The following CDH13 variants were observed in gnomAD, a reference collection of about 807,000 sequenced individuals.
The protein encoded by CDH13 is cadherin 13.
A neutral mutation model predicts 63.8 loss-of-function variants in CDH13; 24 were observed. The ratio of observed to expected loss-of-function variants is 0.38; its 90% CI spans 0.27 to 0.53. CDH13 has a LOEUF of 0.53. Ranked by LOEUF, CDH13 falls within the 20% of genes least tolerant of loss-of-function variation. The pLI, the probability that CDH13 is intolerant of heterozygous loss-of-function variation, is 0.85. For missense variants in CDH13, 1,049 were observed against 903.1 expected (o/e 1.16, Z -2.07); for synonymous variants, 503 against 355.3 (o/e 1.42, Z -4.67).
intron 7 of CDH13, among the ~76,000 whole-genome samples, chr16:83,576,308 A>G (rs1325953240): frequency 6.6e-6 from 1 of 152,180 alleles, no homozygotes; most frequent in Non-Finnish European, 1.5e-5. Flanking sequence ...AATGTTTTCA[A>G]GGTTCTTCCA....
At chr16:83,460,900 A>T (rs1347684480) in intron 6 of CDH13, among the ~76,000 whole-genome samples, 1 of 149,624 alleles carries the variant, frequency 6.7e-6, no homozygotes, top group Non-Finnish European at 1.5e-5. Flanking sequence ...GCTGCTTGGG[A>T]TGCTTAAGCC....
chr16:83,722,825 A>G (rs1422749570), intron 10 of CDH13, among the ~76,000 whole-genome samples: 2 of 152,224 alleles, frequency 1.3e-5, no homozygotes, highest in African/African-American at 4.8e-5. Flanking sequence ...TGAAAAGTGT[A>G]TTGCTAAGAC....
chr16:83,199,861 G>T (rs2038974193), intron 4 of CDH13, among the ~76,000 whole-genome samples: 1 of 152,096 alleles, frequency 6.6e-6, no homozygotes, highest in Non-Finnish European at 1.5e-5. Context: ...TTTGCCCAAG[G>T]TTAAAACCAA....
At chr16:83,363,978 A>C (rs558687880) in intron 6 of CDH13, among the ~76,000 whole-genome samples, 199 of 152,318 alleles carry the variant, frequency 1.3e-3, no homozygotes, top group African/African-American at 4.4e-3. Flanking sequence ...AGGAGCCATG[A>C]CATTAATACT....
At chr16:83,410,012 A>G (rs891218065) in intron 6 of CDH13, among the ~76,000 whole-genome samples, 1 of 152,224 alleles carries the variant, frequency 6.6e-6, no homozygotes, top group African/African-American at 2.4e-5. Flanking sequence ...AACAACTTTT[A>G]TCAAAATGTA....
intron 13 of CDH13, among the ~76,000 whole-genome samples, chr16:83,793,780 C>A (rs1352986375): frequency 2.0e-5 from 3 of 150,314 alleles, no homozygotes; most frequent in African/African-American, 7.4e-5. Context: ...CCAATGCACT[C>A]CAGCCTGAGC....
intron 11 of CDH13, among the ~76,000 whole-genome samples, chr16:83,766,501 C>A (rs537126463): frequency 3.3e-5 from 5 of 152,348 alleles, no homozygotes; most frequent in African/African-American, 1.2e-4. Context: ...TCATTGTTCA[C>A]ACAGACAACC....
chr16:82,644,887 T>A lies in CDH13; in HGVS notation c.45+17750T>A, dbSNP rs1333560048. ...AAGAGATACTGGTTCCATGGGAGGT[T>A]AATATGGGTTCTGGGGAAAAAAAAT... On this transcript the variant is annotated intron_variant, in intron 1 of 13. Coordinates refer to ENST00000567109, the MANE Select transcript of CDH13 (RefSeq NM_001257.5). This position sits in a 1 kb window ranked among gnomAD's most constrained non-coding sequence, Gnocchi z 5.7. Among the ~76,000 whole-genome samples the A allele has an allele frequency of 6.6e-6, 1 of 152,202 alleles. No homozygotes were observed. Among genetic ancestry groups the A allele is most frequent in the Non-Finnish European group, 1.5e-5 (1 of 68,026 alleles).
At chr16:83,319,783 A>T (rs1403948606) in intron 5 of CDH13, among the ~76,000 whole-genome samples, 2 of 152,222 alleles carry the variant, frequency 1.3e-5, no homozygotes, top group Non-Finnish European at 2.9e-5. Flanking sequence ...ATGAGAACAC[A>T]GGGAAAGCTT....
chr16:82,647,180 A>T (rs1323094693), intron 1 of CDH13, among the ~76,000 whole-genome samples: 1 of 152,156 alleles, frequency 6.6e-6, no homozygotes, highest in Non-Finnish European at 1.5e-5. Flanking sequence ...CGGCAGTGAA[A>T]CCTAGCTGAT....
intron 10 of CDH13, among the ~76,000 whole-genome samples, chr16:83,696,148 C>T (rs1486660372): frequency 6.6e-6 from 1 of 152,154 alleles, no homozygotes. Context: ...GCTTCTGCCT[C>T]CCACAGTGCT....
At chr16:82,865,751 C>T (rs2040111265) in intron 2 of CDH13, among the ~76,000 whole-genome samples, 1 of 152,196 alleles carries the variant, frequency 6.6e-6, no homozygotes, top group South Asian at 2.1e-4. Flanking sequence ...TAACATTTGG[C>T]TCCTTTTTAT....
At chr16:83,237,387 C>G (rs1022414179) in intron 5 of CDH13, among the ~76,000 whole-genome samples, 2 of 152,194 alleles carry the variant, frequency 1.3e-5, no homozygotes, top group African/African-American at 4.8e-5. Context: ...AGGATCGTAC[C>G]TTACATCGTA....
intron 7 of CDH13, among the ~76,000 whole-genome samples, chr16:83,585,913 A>AC (rs1906111863): frequency 2.6e-5 from 4 of 152,066 alleles, no homozygotes; most frequent in Admixed American, 1.3e-4. Flanking sequence ...TAAGGTACAG[A>AC]CCCAAGAGGT....
intron 10 of CDH13, among the ~76,000 whole-genome samples, chr16:83,717,444 C>T (rs1420711264): frequency 1.3e-5 from 2 of 152,220 alleles, no homozygotes; most frequent in Non-Finnish European, 2.9e-5. Flanking sequence ...GTCCCTGTCT[C>T]CACTTTCTTC....
intron 5 of CDH13, among the ~76,000 whole-genome samples, chr16:83,223,775 G>A (rs565031980): frequency 6.6e-6 from 1 of 152,238 alleles, no homozygotes; most frequent in Non-Finnish European, 1.5e-5. Flanking sequence ...GTACAGGAAA[G>A]TCCGCTTGCC....
At chr16:82,763,700 T>C (rs1018824643) in intron 1 of CDH13, among the ~76,000 whole-genome samples, 2 of 152,250 alleles carry the variant, frequency 1.3e-5, no homozygotes, top group Non-Finnish European at 2.9e-5. Flanking sequence ...ACGTATTTTT[T>C]GAAACAGAGT....
intron 6 of CDH13, among the ~76,000 whole-genome samples, chr16:83,435,055 A>C (rs939491893): frequency 2.1e-5 from 3 of 146,094 alleles, no homozygotes; most frequent in Non-Finnish European, 4.5e-5. Flanking sequence ...ATTCAGAGAG[A>C]GATATCGAGA....
chr16:82,666,084 C>T (rs1056293584), intron 1 of CDH13, among the ~76,000 whole-genome samples: 1 of 152,146 alleles, frequency 6.6e-6, no homozygotes, highest in Non-Finnish European at 1.5e-5. Context: ...AGGGTGTGGA[C>T]TGTGATTCTT....
Sources: allele counts gnomAD v4.1 joint callset (sites outside exome capture counted in the v4.1 genomes callset), GRCh38; gene constraint gnomAD v4.1.1; non-coding constraint Gnocchi (gnomAD v3.1); transcripts MANE v1.5; gene names NCBI Gene and HGNC (gene_info 2026-07-23, HGNC 2026-07-21).